Variants in PIDD1 observed in about 807,000 individuals in gnomAD.
PIDD1 encodes the protein p53-induced death domain protein 1.
In PIDD1, 72 loss-of-function variants were observed where a neutral mutation model predicts 80.0. That is an observed-to-expected ratio of 0.90 (90% confidence interval 0.74 to 1.09). The LOEUF is 1.09. Among genes scored for constraint, PIDD1 ranks in the 50% least tolerant of loss-of-function variants. The probability of loss-of-function intolerance (pLI) is 0.00; values close to 1 mark genes in which losing one functional copy is unlikely to be tolerated. For synonymous variants in PIDD1, 655 were observed against 543.5 expected (o/e 1.21, Z -2.85); for missense variants, 1,329 against 1,228.3 (o/e 1.08, Z -1.23).
chr11:801,153 C>T (rs151127916), intron 9 of PIDD1, 33 bp from the exon 10 acceptor site: 21,118 of 1,547,062 alleles, frequency 0.014, 196 homozygotes, highest in South Asian at 0.018. Flanking sequence ...GCTGAGGCCT[C>T]CTGGCCGGAG....
At chr11:805,290 CCGCCCCCTCGGGACG>C (rs57964691), upstream of PIDD1, 3,623 of 919,770 alleles carry the variant, frequency 3.9e-3, 110 homozygotes, top group African/African-American at 0.06. Context: ...CCCTTGGGCC[CCGCCCCCTCGGGACG>C]CGCCCCCTCC....
At chr11:799,638 A>T in intron 15 of PIDD1, 73 bp from the exon 16 acceptor site, 1 of 1,483,662 alleles carries the variant, frequency 6.7e-7, no homozygotes, top group South Asian at 1.3e-5. Flanking sequence ...TCTGCCTCGG[A>T]GTGTGGGGGA....
intron 7 of PIDD1, 159 bp from the exon 8 acceptor site, chr11:801,783 G>C: frequency 1.1e-6 from 1 of 916,144 alleles, no homozygotes; most frequent in Non-Finnish European, 1.6e-6. Flanking sequence ...AAGTTGCCAG[G>C]GACACAGGGA....
chr11:803,971 C>G, intron 2 of PIDD1, 123 bp downstream of exon 2: 2 of 1,088,070 alleles, frequency 1.8e-6, no homozygotes, highest in Non-Finnish European at 2.6e-6. Context: ...ACAGTTCACA[C>G]CTGGGGAGCC....
At position 804,365 on chromosome 11, in the gene PIDD1, T is replaced by C; in HGVS notation, c.24A>G (p.Pro8=). The change falls in exon 2 of 16, where the codon CCA becomes CCG. Residue 8 remains proline (P), a synonymous_variant. Coordinates refer to ENST00000347755, the MANE Select transcript of PIDD1 (RefSeq NM_145886.4). The part of the protein sequence containing the change: MAATVEG[P]ELEAAAAAGD... ...CTGCGGCAGCAGCTGCCTCCAGCTC[T>C]GGCCCCTCCACCGTTGCAGCCATCG... is the stretch of plus-strand genomic sequence containing the variant. 1.2e-6 allele frequency: 2 copies of C among 1,601,638 alleles called. No individual in the cohort carries two copies. Among genetic ancestry groups the C allele is most frequent in the Non-Finnish European group, 1.7e-6 (2 of 1,172,472 alleles).
chr11:801,655 G>A (rs1394783491), intron 7 of PIDD1, 31 bp from the exon 8 acceptor site: 4 of 1,533,234 alleles, frequency 2.6e-6, no homozygotes, highest in African/African-American at 1.4e-5. Flanking sequence ...GGTCACAGGA[G>A]CCTGGGTCAG....
At chr11:803,612 G>T in intron 2 of PIDD1, 25 bp from the exon 3 acceptor site, 1 of 1,584,306 alleles carries the variant, frequency 6.3e-7, no homozygotes, top group Non-Finnish European at 8.6e-7. Flanking sequence ...GGCGGATGTG[G>T]CCCTCAGAGC....
rs770295934 is a variant in PIDD1 at position 799,854 on chromosome 11, ACCC to A, written c.2432_2434del (p.Gly811del). The A allele has an allele frequency of 6.2e-7, 1 of 1,607,590 alleles. No homozygotes were observed. Among genetic ancestry groups the A allele is most frequent in the Admixed American group, 1.7e-5 (1 of 59,590 alleles). On this transcript the variant is annotated inframe_deletion, in exon 15 of 16. Coordinates refer to ENST00000347755, the MANE Select transcript of PIDD1 (RefSeq NM_145886.4). ...GATGCGCTGCACCTCCCGGTAGGAC[ACCC>A]CCAGGTGCAGGGCCACGGCTGGCCA...
intron 6 of PIDD1, 49 bp downstream of exon 6, chr11:802,146 C>A (rs970720751): frequency 6.4e-7 from 1 of 1,562,228 alleles, no homozygotes; most frequent in Non-Finnish European, 8.7e-7. Context: ...GCACACTGCC[C>A]CTGCCATGCC....
At position 803,181 on chromosome 11, in the gene PIDD1, G is replaced by A. The variant is rs760639464; in HGVS notation, c.702C>T (p.Ala234=). ...LASNRLQSLP[A]SLAGLRSLRL... ...GGCGCAGGGGCTACTCACCCAGAGA[G>A]GCTGGGAGGCTCTGCAGCCGGTTGG... The change falls in exon 3 of 16, where the codon GCC becomes GCT. Residue 234 remains alanine, a synonymous_variant. Coordinates refer to ENST00000347755, the MANE Select transcript of PIDD1 (RefSeq NM_145886.4). The A allele has an allele frequency of 1.9e-6, 3 of 1,603,130 alleles. No individual in the cohort carries two copies. Among genetic ancestry groups the A allele is most frequent in the African/African-American group, 1.3e-5 (1 of 74,862 alleles).
Position 800,450 on chromosome 11 carries a change from G to T in PIDD1, c.2043C>A (p.Asp681Glu). 2 of 1,453,742 alleles carry T rather than the reference G, an allele frequency of 1.4e-6. No individual in the cohort carries two copies. The highest frequency in any genetic ancestry group is 2.4e-5 in the South Asian group (2 of 84,496). The allele number at this position is 1,453,742 out of a possible 1,614,324, so 90.1% of individuals were successfully genotyped here. The change falls in exon 13 of 16, where the codon GAC becomes GAA. Residue 681 changes from aspartate (D) to glutamate (E), a missense_variant and splice_region_variant. Transcript: ENST00000347755. ...AFERGIDVDA[D>E]RPDCVEGRIC... is the part of the protein sequence containing the mutation. Reference sequence around the variant, plus strand: ...TTCTGCCCTCCACACAGTCAGGGCGGTCTAGGGGACAGGGGTGGGCTGAGC... The same window carrying T: ...TTCTGCCCTCCACACAGTCAGGGCGTTCTAGGGGACAGGGGTGGGCTGAGC...
chr11:799,448 G>T lies in PIDD1; in HGVS notation c.2592C>A (p.Asp864Glu). ...VQALEQSDRQ[D>E]VAEEVRAVLE... ...AGACTGCGCGCACCTCTTCAGCCAC[G>T]TCCTGCCGGTCACTCTGCTCCAGGG... The change falls in exon 16 of 16, where the codon GAC becomes GAA. Residue 864 changes from aspartate to glutamate, a missense_variant. Asp to Glu is a conservative substitution (Grantham distance 45). Transcript: ENST00000347755. 1 of 1,610,486 alleles carries T rather than the reference G, an allele frequency of 6.2e-7. No homozygotes were observed. Among genetic ancestry groups the T allele is most frequent in the Non-Finnish European group, 8.5e-7 (1 of 1,179,892 alleles).
chr11:802,634 G>T, intron 4 of PIDD1, 37 bp from the exon 5 acceptor site: 1 of 1,607,292 alleles, frequency 6.2e-7, no homozygotes, highest in Non-Finnish European at 8.5e-7. Flanking sequence ...GGACAGTGAG[G>T]AGACTCATGT....
intron 1 of PIDD1, chr11:804,725 C>T (rs912100438): frequency 3.3e-6 from 1 of 301,316 alleles, no homozygotes; most frequent in Non-Finnish European, 6.2e-6. Context: ...GGTAGTGAGG[C>T]TTCAGTCCTG....
chr11:799,218 A>T lies in PIDD1; in HGVS notation c.*89T>A. 2 of 1,297,050 alleles carry T rather than the reference A, an allele frequency of 1.5e-6. No individual in the cohort carries two copies. The highest frequency in any genetic ancestry group is 2.1e-6 in the Non-Finnish European group (2 of 964,264). The allele number at this position is 1,297,050 out of a possible 1,614,324, so 80.3% of individuals were successfully genotyped here. On this transcript the variant is annotated 3_prime_UTR_variant, in exon 16 of 16. Coordinates refer to ENST00000347755, the MANE Select transcript of PIDD1 (RefSeq NM_145886.4). ...CAGTGCAGTTTTGTTGCTCACAGGG[A>T]CCCGTCCCCACACACTGGAGAGACT...
chr11:805,092 C>A (rs1008982858), intron 1 of PIDD1, 87 bp downstream of exon 1: 2 of 511,354 alleles, frequency 3.9e-6, no homozygotes, highest in Non-Finnish European at 5.0e-6. Flanking sequence ...CGGGATCCCC[C>A]GGGCGTCGGG....
Position 802,835 on chromosome 11 carries a change from G to T in PIDD1, c.766C>A (p.Pro256Thr). Residue 256 changes from proline to threonine, a missense_variant, in exon 4 of 16, where the codon CCA becomes ACA. Transcript: ENST00000347755. ...VLHSNLLASV[P>T]ADLARLPLLT... is the part of the protein sequence containing the mutation. ...AGTGGAAGGCGGGCCAAGTCAGCTG[G>T]CACAGAGGCCAGGAGGTTGCTGTGC... 1 of 1,595,870 alleles carries T rather than the reference G, an allele frequency of 6.3e-7. No homozygotes were observed. Among genetic ancestry groups the T allele is most frequent in the South Asian group, 1.1e-5 (1 of 88,682 alleles).
At position 799,924 on chromosome 11, in the gene PIDD1, G is replaced by C; in HGVS notation, c.2365C>G (p.Gln789Glu). ...CCAGCCACACTCAGCAGGTTGCTCT[G>C]CGTCAGAAAGCCGGTCTCGGCATCT... ...LGDAETGFLT[Q>E]SNLLSVAGRL... Residue 789 changes from glutamine (Q) to glutamate (E), a missense_variant, in exon 15 of 16, where the codon CAG becomes GAG. Gln to Glu is a conservative substitution (Grantham distance 29). Coordinates refer to ENST00000347755, the MANE Select transcript of PIDD1 (RefSeq NM_145886.4). 6.2e-7 allele frequency: 1 copy of C among 1,612,744 alleles called. No homozygotes were observed. The highest frequency in any genetic ancestry group is 8.5e-7 in the Non-Finnish European group (1 of 1,179,926).
Position 802,553 on chromosome 11 carries a change from C to T in PIDD1, c.964G>A (p.Asp322Asn), listed in dbSNP as rs1170444927. The change falls in exon 5 of 16, where the codon GAT (aspartate) becomes AAT (asparagine). Residue 322 changes from aspartate to asparagine, a missense_variant. Transcript: ENST00000347755. ...PEMPRLFLTS[D>N]LDSFPVTPQG... Reference sequence around the variant, plus strand: ...CAACCCACCCCATACCTGTCCAAATCTGAGGTCAGGAACAGTCTGGGCATT... The same window carrying T: ...CAACCCACCCCATACCTGTCCAAATTTGAGGTCAGGAACAGTCTGGGCATT... The T allele has an allele frequency of 3.7e-6, 6 of 1,613,312 alleles. No homozygotes were observed. The Admixed American group carries it at 5.0e-5, about 13-fold the overall frequency.
Sources: allele counts gnomAD v4.1 joint callset, GRCh38; gene constraint gnomAD v4.1.1; transcripts MANE v1.5; gene names NCBI Gene and HGNC (gene_info 2026-07-23, HGNC 2026-07-21).